FGD4: variants seen among roughly 807,000 people sequenced by gnomAD.
FGD4 encodes the protein FYVE, RhoGEF and PH domain containing 4, also known as FYVE, RhoGEF and PH domain-containing protein 4.
Under a neutral mutation model 102.0 loss-of-function variants are expected in FGD4, and 42 were observed. That is an observed-to-expected ratio of 0.41 (90% CI 0.32 to 0.53). The LOEUF is 0.53. FGD4 is among the 20% of genes least tolerant of loss of function. FGD4 has a pLI of 0.21. For synonymous variants in FGD4, 380 were observed against 375.7 expected (o/e 1.01, Z -0.13); for missense variants, 902 against 1,078.2 (o/e 0.84, Z 2.29).
intron 1 of FGD4, among the ~76,000 whole-genome samples, chr12:32,522,342 T>A (rs780910071): frequency 7.2e-5 from 11 of 152,192 alleles, no homozygotes; most frequent in Admixed American, 3.9e-4. Flanking sequence ...CTTTCCACAT[T>A]CTGAATTTGG....
chr12:32,482,463 C>T (rs1408149312), intron 1 of FGD4, among the ~76,000 whole-genome samples: 1 of 152,156 alleles, frequency 6.6e-6, no homozygotes, highest in Non-Finnish European at 1.5e-5. Flanking sequence ...CTCGAAGTGA[C>T]CTTGAGGAAG....
chr12:32,510,449 T>C (rs1939242134), intron 1 of FGD4, among the ~76,000 whole-genome samples: 1 of 152,232 alleles, frequency 6.6e-6, no homozygotes, highest in South Asian at 2.1e-4. Context: ...TTCTAGATTT[T>C]AGGATCACTT....
At chr12:32,525,254 T>C (rs537917570) in intron 1 of FGD4, among the ~76,000 whole-genome samples, 8 of 152,276 alleles carry the variant, frequency 5.3e-5, no homozygotes, top group Non-Finnish European at 8.8e-5. Context: ...GATTATTTTC[T>C]GAGGTGTAAA....
chr12:32,601,449 A>G (rs776588150), intron 6 of FGD4, 26 bp downstream of exon 6: 9 of 1,608,078 alleles, frequency 5.6e-6, no homozygotes, highest in Non-Finnish European at 6.0e-6. Context: ...AGAAAATGAT[A>G]TGTTTAAGGC....
intron 2 of FGD4, among the ~76,000 whole-genome samples, chr12:32,574,009 A>T (rs550720889): frequency 1.6e-4 from 25 of 152,362 alleles, no homozygotes; most frequent in Admixed American, 3.3e-4. Flanking sequence ...TTATTATTTA[A>T]TCGTACTCAT....
chr12:32,594,519 AAATGT>A (rs1349878691), intron 4 of FGD4, among the ~76,000 whole-genome samples: 2 of 152,172 alleles, frequency 1.3e-5, no homozygotes, highest in African/African-American at 4.8e-5. Context: ...AGTACACAAT[AAATGT>A]AATGTGCTTA....
At chr12:32,637,621 A>ATAAAT (rs1555224542) in intron 15 of FGD4, 2 of 152,222 alleles carry the variant, frequency 1.3e-5, no homozygotes, top group Non-Finnish European at 2.9e-5. Context: ...AAATAAATAA[A>ATAAAT]TAATAAATAA....
At chr12:32,408,223 C>T (rs1941032125) in intron 1 of FGD4, among the ~76,000 whole-genome samples, 1 of 147,742 alleles carries the variant, frequency 6.8e-6, no homozygotes, top group African/African-American at 2.5e-5. Context: ...AGCTGTAGTG[C>T]AATGGTGCAA....
At chr12:32,537,971 C>T (rs1207530732) in intron 1 of FGD4, among the ~76,000 whole-genome samples, 5 of 152,194 alleles carry the variant, frequency 3.3e-5, no homozygotes, top group Non-Finnish European at 5.9e-5. Flanking sequence ...TCTTGGCTCA[C>T]TGCAACCTCT....
chr12:32,639,024 C>A (rs1951011877), intron 16 of FGD4: 1 of 1,236,486 alleles, frequency 8.1e-7, no homozygotes, highest in African/African-American at 1.5e-5. Flanking sequence ...TTGTCTCATT[C>A]AATGGGTTTG....
intron 4 of FGD4, among the ~76,000 whole-genome samples, chr12:32,589,650 T>C (rs1947316556): frequency 6.6e-6 from 1 of 152,248 alleles, no homozygotes; most frequent in Non-Finnish European, 1.5e-5. Flanking sequence ...TTGTTCTCTC[T>C]TCACCACCAC....
chr12:32,448,067 T>C (rs1942670920), intron 1 of FGD4, among the ~76,000 whole-genome samples: 1 of 152,208 alleles, frequency 6.6e-6, no homozygotes, highest in Non-Finnish European at 1.5e-5. Flanking sequence ...AGAATAGATT[T>C]GAATGTCTGA....
intron 1 of FGD4, among the ~76,000 whole-genome samples, chr12:32,519,416 T>C (rs982952784): frequency 6.6e-6 from 1 of 152,216 alleles, no homozygotes; most frequent in African/African-American, 2.4e-5. Flanking sequence ...GATGTATCTT[T>C]TATTTTTAAA....
At chr12:32,630,567 C>T (rs774757882) in intron 14 of FGD4, among the ~76,000 whole-genome samples, 16 of 152,014 alleles carry the variant, frequency 1.1e-4, no homozygotes, top group Non-Finnish European at 2.4e-4. Context: ...GTAATCCCAG[C>T]ACTTTAGGAG....
At chr12:32,453,358 C>T (rs867803063) in intron 1 of FGD4, among the ~76,000 whole-genome samples, 4 of 151,224 alleles carry the variant, frequency 2.6e-5, no homozygotes, top group South Asian at 2.1e-4. Context: ...CTCAGCCTCC[C>T]GAGTAGCTGG....
chr12:32,638,970 A>G (rs529244902), intron 16 of FGD4, 175 bp downstream of exon 16: 78 of 1,456,572 alleles, frequency 5.4e-5, no homozygotes, highest in Middle Eastern at 1.9e-4. Flanking sequence ...GATTCATTTT[A>G]TAGCCTATAT....
chr12:32,576,195 A>C, intron 2 of FGD4, 71 bp from the exon 3 acceptor site: 1 of 1,478,598 alleles, frequency 6.8e-7, no homozygotes, highest in Admixed American at 2.0e-5. Context: ...TTTTGCACCC[A>C]GGACACCAGA....
At chr12:32,466,562 T>C (rs1010690589) in intron 1 of FGD4, among the ~76,000 whole-genome samples, 1 of 151,992 alleles carries the variant, frequency 6.6e-6, no homozygotes, top group Non-Finnish European at 1.5e-5. Context: ...ACCTTCCAAC[T>C]TGACATATAA....
intron 16 of FGD4, among the ~76,000 whole-genome samples, chr12:32,640,064 G>T (rs1451567725): frequency 6.6e-6 from 1 of 152,054 alleles, no homozygotes; most frequent in African/African-American, 2.4e-5. Flanking sequence ...TAGCTGATTT[G>T]GGTGTCAGCT....
Sources: gnomAD v4.1 joint callset for allele counts (sites outside exome capture counted in the v4.1 genomes callset) on GRCh38, gnomAD v4.1.1 for gene constraint, MANE v1.5 for transcripts, NCBI Gene and HGNC (gene_info 2026-07-23, HGNC 2026-07-21) for gene names.